Variants in LSAMP observed in about 807,000 individuals in gnomAD.
LSAMP encodes limbic system associated membrane protein, also known as limbic system-associated membrane protein.
A neutral mutation model predicts 38.6 loss-of-function variants in LSAMP; 7 were observed. The observed-to-expected ratio is 0.18, with a 90% CI of 0.10 to 0.34. LSAMP has a LOEUF of 0.34. Ranked by LOEUF, LSAMP falls within the 10% of genes least tolerant of loss-of-function variation. The pLI, the probability that LSAMP is intolerant of heterozygous loss-of-function variation, is 1.00. For missense variants in LSAMP, 313 were observed against 420.0 expected, an observed-to-expected ratio of 0.75 and a Z score of 2.23; for synonymous variants, 154 against 166.8, an observed-to-expected ratio of 0.92 and a Z score of 0.59.
intron 2 of LSAMP, among the ~76,000 whole-genome samples, chr3:116,040,469 C>T (rs1277771997): frequency 4.6e-5 from 7 of 152,156 alleles, no homozygotes; most frequent in African/African-American, 1.2e-4. Context: ...CACACATAAC[C>T]TTGAAATGCA....
At chr3:115,842,381 T>G (rs1935025312) in intron 5 of LSAMP, 77 bp downstream of exon 5, 2 of 1,539,136 alleles carry the variant, frequency 1.3e-6, no homozygotes, top group Admixed American at 4.1e-5. Flanking sequence ...TGGCTTGGCT[T>G]TGGCTTTGTT....
At chr3:115,997,731 TATATATATATATATATATATATAC>T (rs1272140402) in intron 3 of LSAMP, among the ~76,000 whole-genome samples, 1 of 135,452 alleles carries the variant, frequency 7.4e-6, no homozygotes, top group African/African-American at 2.8e-5. Context: ...TATATATATA[TATATATATATATATATATATATAC>T]ACACACATAC....
chr3:115,827,697 T>G (rs1934469232), intron 6 of LSAMP, among the ~76,000 whole-genome samples: 1 of 152,212 alleles, frequency 6.6e-6, no homozygotes, highest in Non-Finnish European at 1.5e-5. Flanking sequence ...TTGTAAGGTC[T>G]CTTCCCCACT....
intron 1 of LSAMP, among the ~76,000 whole-genome samples, chr3:116,218,311 C>T (rs1196289992): frequency 6.6e-6 from 1 of 152,138 alleles, no homozygotes; most frequent in Non-Finnish European, 1.5e-5. Context: ...CCTATGTATA[C>T]TACCTGTGAT....
chr3:115,995,147 T>C (rs1939779764), intron 3 of LSAMP, among the ~76,000 whole-genome samples: 1 of 152,128 alleles, frequency 6.6e-6, no homozygotes, highest in Non-Finnish European at 1.5e-5. Context: ...CATACATTCT[T>C]TTTCAAAACA....
intron 2 of LSAMP, among the ~76,000 whole-genome samples, chr3:116,065,338 T>A (rs1707401151): frequency 6.6e-6 from 1 of 152,246 alleles, no homozygotes; most frequent in Admixed American, 6.5e-5. Context: ...CATCAGACAG[T>A]AATGCCTCAA....
At chr3:116,410,816 A>G (rs1336168480) in intron 1 of LSAMP, among the ~76,000 whole-genome samples, 1 of 152,042 alleles carries the variant, frequency 6.6e-6, no homozygotes, top group East Asian at 1.9e-4. Context: ...TCTAACTTGT[A>G]CCTCCAAAGC....
chr3:116,126,752 C>T (rs565013220), intron 1 of LSAMP, among the ~76,000 whole-genome samples: 21 of 152,262 alleles, frequency 1.4e-4, no homozygotes, highest in African/African-American at 4.8e-4. Context: ...ATCCCAGCTA[C>T]TCAGAGGCTG....
chr3:116,329,872 T>C (rs1185021609), intron 1 of LSAMP, among the ~76,000 whole-genome samples: 1 of 152,086 alleles, frequency 6.6e-6, no homozygotes, highest in Non-Finnish European at 1.5e-5. Context: ...AGTTAACTAA[T>C]ATGAAAGGGT....
intron 2 of LSAMP, among the ~76,000 whole-genome samples, chr3:116,033,656 C>T (rs1940981238): frequency 1.3e-5 from 2 of 152,044 alleles, no homozygotes; most frequent in East Asian, 1.9e-4. Flanking sequence ...GTGGCAGCCA[C>T]GACCCTCTGT....
At chr3:116,012,893 G>A (rs141710610) in intron 3 of LSAMP, among the ~76,000 whole-genome samples, 7 of 152,226 alleles carry the variant, frequency 4.6e-5, no homozygotes, top group African/African-American at 9.6e-5. Flanking sequence ...TATATGATAC[G>A]TATTCTATTT....
chr3:116,147,932 A>C (rs180674504), intron 1 of LSAMP, among the ~76,000 whole-genome samples: 77 of 152,034 alleles, frequency 5.1e-4, no homozygotes, highest in Non-Finnish European at 9.4e-4. Context: ...ACTCTTCCTT[A>C]TTCTTTCACT....
chr3:116,064,885 G>A (rs977612335), intron 2 of LSAMP, among the ~76,000 whole-genome samples: 2 of 152,162 alleles, frequency 1.3e-5, no homozygotes, highest in African/African-American at 4.8e-5. Flanking sequence ...TAGAACCTAT[G>A]GTCTTAAGCC....
At chr3:115,997,032 T>G (rs1939834516) in intron 3 of LSAMP, among the ~76,000 whole-genome samples, 1 of 151,996 alleles carries the variant, frequency 6.6e-6, no homozygotes, top group Admixed American at 6.6e-5. Flanking sequence ...GCCATAAGAG[T>G]TACTTAGTTG....
At chr3:116,005,163 T>A (rs1209058569) in intron 3 of LSAMP, among the ~76,000 whole-genome samples, 1 of 152,120 alleles carries the variant, frequency 6.6e-6, no homozygotes, top group East Asian at 1.9e-4. Flanking sequence ...AATTCTCTTA[T>A]ATAAGAAAGA....
At chr3:115,816,779 G>A (rs1229891413) in intron 6 of LSAMP, 1 of 413,240 alleles carries the variant, frequency 2.4e-6, no homozygotes, top group Admixed American at 3.6e-5. Flanking sequence ...ATTTTAATAG[G>A]AAAGAATATT....
At chr3:116,135,039 C>G (rs780531228) in intron 1 of LSAMP, among the ~76,000 whole-genome samples, 1 of 152,058 alleles carries the variant, frequency 6.6e-6, no homozygotes, top group African/African-American at 2.4e-5. Flanking sequence ...ATCACTAAAA[C>G]GAATTTTCCA....
At chr3:116,267,707 C>T (rs1576470388) in intron 1 of LSAMP, among the ~76,000 whole-genome samples, 2 of 151,910 alleles carry the variant, frequency 1.3e-5, no homozygotes, top group East Asian at 3.9e-4. Context: ...CTCTGTTCGT[C>T]TGTTTTTTAG....
rs549591652 is a variant in LSAMP, at chr3:115,921,465, C to T, written c.515-68848G>A. Among the ~76,000 whole-genome samples, 26 of 152,164 alleles carry T rather than the reference C, an allele frequency of 1.7e-4. 1 individual carries two copies. In the South Asian group the frequency reaches 2.1e-3, roughly 12 times the overall value. On this transcript the variant is annotated intron_variant, in intron 3 of 6. Coordinates refer to ENST00000490035, the MANE Select transcript of LSAMP (RefSeq NM_002338.5). ...CTTTCATTTCTCCCCTCCACACATA[C>T]GCATGTTATTGATGCCACAAATTAT...
Sources: allele counts gnomAD v4.1 joint callset (sites outside exome capture counted in the v4.1 genomes callset), GRCh38; gene constraint gnomAD v4.1.1; transcripts MANE v1.5; gene names NCBI Gene and HGNC (gene_info 2026-07-23, HGNC 2026-07-21).